Variants in KLF13 observed in about 807,000 individuals in gnomAD.
KLF13 encodes the protein Krueppel-like factor 13.
A neutral mutation model predicts 16.7 loss-of-function variants in KLF13; 8 were observed. The observed-to-expected ratio is 0.48, with a 90% confidence interval of 0.28 to 0.87. The LOEUF is 0.87. KLF13 is among the 40% of genes least tolerant of loss of function. The pLI is 0.10. For synonymous variants in KLF13, 245 were observed against 208.4 expected (o/e 1.18, Z -1.51); for missense variants, 447 against 452.2 (o/e 0.99, Z 0.10).
chr15:31,341,440 G>T (rs1054156646), intron 1 of KLF13, among the ~76,000 whole-genome samples: 6 of 151,378 alleles, frequency 4.0e-5, no homozygotes, highest in African/African-American at 1.5e-4. Context: ...GTACCTAAAT[G>T]AACAGACAGG....
chr15:31,379,072 T>TA (rs1397105641), downstream of KLF13, among the ~76,000 whole-genome samples: 2 of 152,158 alleles, frequency 1.3e-5, no homozygotes, highest in South Asian at 2.1e-4. Context: ...TGTGAAGTGT[T>TA]ACTAACAAAT....
At chr15:31,390,172 C>T (rs559219249), upstream of KLF13, among the ~76,000 whole-genome samples, 237 of 152,272 alleles carry the variant, frequency 1.6e-3, no homozygotes, top group Middle Eastern at 3.4e-3. Context: ...CATGGATCCG[C>T]ACCCCCACTC....
chr15:31,387,632 G>C (rs1411256648), intron 1 of KLF13, among the ~76,000 whole-genome samples: 1 of 152,198 alleles, frequency 6.6e-6, no homozygotes, highest in East Asian at 1.9e-4. Flanking sequence ...TGGGTGGTGG[G>C]AAAAGTGGGG....
At chr15:31,405,009 C>T (rs974566050), downstream of KLF13, among the ~76,000 whole-genome samples, 2 of 152,146 alleles carry the variant, frequency 1.3e-5, no homozygotes, top group Non-Finnish European at 2.9e-5. Context: ...AGGATAAAAC[C>T]AATGATATGC....
chr15:31,351,885 C>T (rs2039222670), intron 1 of KLF13, among the ~76,000 whole-genome samples: 2 of 151,966 alleles, frequency 1.3e-5, no homozygotes, highest in Admixed American at 6.6e-5. Context: ...TGGTGGCGGA[C>T]GCCTGTAATC....
In KLF13 at chr15:31,413,571, A is replaced by G. The variant is rs544796684; in HGVS notation, n.117+19880A>G. On this transcript the variant is annotated intron_variant and non_coding_transcript_variant, in intron 1 of 1. Coordinates refer to the KLF13 transcript ENST00000558225. Reference sequence around the variant, plus strand: ...GAAGGCAGTGAAATAACATATTTGAAGTGTTCAAAGAAAAAAATCATCAAG... The same window carrying G: ...GAAGGCAGTGAAATAACATATTTGAGGTGTTCAAAGAAAAAAATCATCAAG... Among the ~76,000 whole-genome samples the G allele has an allele frequency of 1.2e-4, 18 of 152,266 alleles. No individual in the cohort carries two copies. In the South Asian group the frequency reaches 1.4e-3, roughly 12 times the overall value.
intron 1 of KLF13, among the ~76,000 whole-genome samples, chr15:31,356,145 A>G (rs1008647144): frequency 6.6e-6 from 1 of 152,122 alleles, no homozygotes; most frequent in African/African-American, 2.4e-5. Flanking sequence ...TAAACATAGT[A>G]CCCGATAGGT....
intron 1 of KLF13, among the ~76,000 whole-genome samples, chr15:31,411,720 TA>T (rs918241885): frequency 6.6e-6 from 1 of 152,070 alleles, no homozygotes; most frequent in African/African-American, 2.4e-5. Context: ...AAAAATTTTT[TA>T]AAAAAGAAAA....
chr15:31,398,613 G>A (rs1052603581), intron 2 of KLF13, among the ~76,000 whole-genome samples: 2 of 152,124 alleles, frequency 1.3e-5, no homozygotes, highest in Non-Finnish European at 2.9e-5. Context: ...CCATCCCAGG[G>A]CTCAAGCTCA....
At chr15:31,380,741 T>TG (rs1566827759), downstream of KLF13, among the ~76,000 whole-genome samples, 3 of 152,224 alleles carry the variant, frequency 2.0e-5, no homozygotes, top group South Asian at 6.2e-4. Context: ...AGTAAAGACA[T>TG]GCAGCTACTC....
At chr15:31,327,999 A>G (rs2038750432) in intron 1 of KLF13, among the ~76,000 whole-genome samples, 1 of 146,976 alleles carries the variant, frequency 6.8e-6, no homozygotes, top group Non-Finnish European at 1.5e-5. Context: ...GGCGCCCGCC[A>G]GGCGACCGCG....
In KLF13 at chr15:31,376,450, A is replaced by T. The variant is rs1021566595; in HGVS notation, c.*4151A>T. The T allele has an allele frequency of 6.6e-6, 1 of 152,388 alleles. No homozygotes were observed. Among genetic ancestry groups the T allele is most frequent in the Non-Finnish European group, 1.5e-5 (1 of 68,046 alleles). 9.4% of individuals were successfully genotyped at this position (152,388 alleles called of 1,614,324 possible). ...GTAAGAAACGCTTGGTAGGTTATCC[A>T]CATCTTTTGCTGACTGTTTCCATAT... is the stretch of plus-strand genomic sequence containing the variant. On this transcript the variant is annotated 3_prime_UTR_variant, in exon 2 of 2. Coordinates refer to ENST00000307145, the MANE Select transcript of KLF13 (RefSeq NM_015995.4).
chr15:31,434,795 C>T (rs74010631), intron 1 of KLF13, among the ~76,000 whole-genome samples: 9 of 152,264 alleles, frequency 5.9e-5, no homozygotes, highest in Middle Eastern at 3.4e-3. Context: ...CACAGCCCCC[C>T]GTCAATGCCG....
chr15:31,335,318 T>TGCTGC (rs2038909215), intron 1 of KLF13, among the ~76,000 whole-genome samples: 1 of 152,120 alleles, frequency 6.6e-6, no homozygotes, highest in Non-Finnish European at 1.5e-5. Flanking sequence ...CTTCACACCC[T>TGCTGC]GCTGCCCTGC....
At chr15:31,336,342 A>C (rs187750145) in intron 1 of KLF13, among the ~76,000 whole-genome samples, 1 of 152,146 alleles carries the variant, frequency 6.6e-6, no homozygotes, top group African/African-American at 2.4e-5. Flanking sequence ...TTGTGCTTCC[A>C]TATGTGGGTC....
intron 1 of KLF13, among the ~76,000 whole-genome samples, chr15:31,338,492 C>T (rs1020531586): frequency 6.6e-6 from 1 of 152,200 alleles, no homozygotes; most frequent in African/African-American, 2.4e-5. Flanking sequence ...TTTGTTTCTC[C>T]CAGCCCTATG....
chr15:31,422,591 C>A (rs546215171), intron 1 of KLF13, among the ~76,000 whole-genome samples: 1 of 152,152 alleles, frequency 6.6e-6, no homozygotes, highest in Non-Finnish European at 1.5e-5. Context: ...CAGAGCCAAA[C>A]CATATCAGGC....
chr15:31,376,712 C>CT lies in KLF13; in HGVS notation c.*4414dup, dbSNP rs1442954441. 1.3e-5 allele frequency: 2 copies of CT among 152,642 alleles called. No individual in the cohort carries two copies. Among genetic ancestry groups the CT allele is most frequent in the Non-Finnish European group, 2.9e-5 (2 of 68,062 alleles). The allele number at this position is 152,642 out of a possible 1,614,324, so 9.5% of individuals were successfully genotyped here. On this transcript the variant is annotated 3_prime_UTR_variant, in exon 2 of 2. Coordinates refer to ENST00000307145, the MANE Select transcript of KLF13 (RefSeq NM_015995.4). ...TTTAGGGCGAGGCGCCGCCTCCTGC[C>CT]TGCTGTCCTGTCCCTCAGCATCAGA...
downstream of KLF13, among the ~76,000 whole-genome samples, chr15:31,381,950 T>A (rs1054440619): frequency 6.6e-6 from 1 of 152,180 alleles, no homozygotes; most frequent in Non-Finnish European, 1.5e-5. Context: ...GGCCTTCAGC[T>A]CTGAGCAGCC....
Sources: gnomAD v4.1 joint callset for allele counts (sites outside exome capture counted in the v4.1 genomes callset) on GRCh38, gnomAD v4.1.1 for gene constraint, MANE v1.5 for transcripts, NCBI Gene and HGNC (gene_info 2026-07-23, HGNC 2026-07-21) for gene names.